Variants in CNTNAP2 observed in about 807,000 individuals in gnomAD.
CNTNAP2 encodes contactin-associated protein-like 2.
A neutral mutation model predicts 155.2 loss-of-function variants in CNTNAP2; 98 were observed. The ratio of observed to expected loss-of-function variants is 0.63; its 90% CI spans 0.54 to 0.75. The LOEUF is 0.75. CNTNAP2 is among the 30% of genes least tolerant of loss of function. The pLI is 0.00. For synonymous variants in CNTNAP2, 651 were observed against 631.2 expected, an observed-to-expected ratio of 1.03 and a Z score of -0.47; for missense variants, 1,727 against 1,688.1, an observed-to-expected ratio of 1.02 and a Z score of -0.40.
intron 15 of CNTNAP2, among the ~76,000 whole-genome samples, chr7:148,040,815 C>G (rs1802659934): frequency 6.6e-6 from 1 of 151,254 alleles, no homozygotes; most frequent in African/African-American, 2.4e-5. Context: ...GGGAACAACT[C>G]TAGGTAGGAA....
chr7:146,629,889 G>A (rs1232517148), intron 1 of CNTNAP2, among the ~76,000 whole-genome samples: 4 of 152,046 alleles, frequency 2.6e-5, no homozygotes, highest in African/African-American at 7.2e-5. Flanking sequence ...AATAAATATT[G>A]TATTGCATTA....
intron 8 of CNTNAP2, among the ~76,000 whole-genome samples, chr7:147,176,347 T>G (rs1178690270): frequency 6.6e-6 from 1 of 152,088 alleles, no homozygotes; most frequent in Non-Finnish European, 1.5e-5. Context: ...TTTCAAACAG[T>G]TTCCCTCTTA....
chr7:148,173,519 T>C (rs1218646989), intron 18 of CNTNAP2, among the ~76,000 whole-genome samples: 4 of 152,228 alleles, frequency 2.6e-5, no homozygotes, highest in Admixed American at 6.5e-5. Context: ...ACATTCTCTG[T>C]ACCTCCAGGC....
chr7:147,998,305 G>C (rs1052126889), intron 15 of CNTNAP2, among the ~76,000 whole-genome samples: 1 of 151,824 alleles, frequency 6.6e-6, no homozygotes, highest in Non-Finnish European at 1.5e-5. Context: ...TAGAGACGGG[G>C]TTTCACCGTG....
chr7:148,194,454 G>A (rs1795244223), intron 18 of CNTNAP2, among the ~76,000 whole-genome samples: 1 of 152,124 alleles, frequency 6.6e-6, no homozygotes, highest in African/African-American at 2.4e-5. Context: ...CTTAAGCTCA[G>A]AAGCGATATT....
chr7:147,237,731 A>G (rs906672259), intron 8 of CNTNAP2, among the ~76,000 whole-genome samples: 8 of 152,222 alleles, frequency 5.3e-5, no homozygotes, highest in Non-Finnish European at 1.0e-4. Context: ...TGGCATTTGT[A>G]CAAGTACACA....
At chr7:147,786,900 T>A (rs1349130057) in intron 13 of CNTNAP2, among the ~76,000 whole-genome samples, 1 of 151,894 alleles carries the variant, frequency 6.6e-6, no homozygotes, top group African/African-American at 2.4e-5. Flanking sequence ...GCCCAGGATT[T>A]CAAGGCTGCA....
At chr7:148,030,968 G>A (rs990240312) in intron 15 of CNTNAP2, among the ~76,000 whole-genome samples, 2 of 152,110 alleles carry the variant, frequency 1.3e-5, no homozygotes, top group African/African-American at 4.8e-5. Context: ...TCTTTGAAAC[G>A]ATTGTAATAT....
chr7:147,137,892 G>GATAT (rs1156383370), intron 8 of CNTNAP2, among the ~76,000 whole-genome samples: 1 of 127,542 alleles, frequency 7.8e-6, no homozygotes, highest in African/African-American at 2.6e-5. Context: ...TAGATAGATA[G>GATAT]ATAGATAGAT....
At chr7:146,709,395 G>A (rs879818799) in intron 1 of CNTNAP2, among the ~76,000 whole-genome samples, 3 of 152,122 alleles carry the variant, frequency 2.0e-5, no homozygotes, top group Non-Finnish European at 4.4e-5. Context: ...AAATGAAAGG[G>A]AAATCATATG....
Position 146,843,404 on chromosome 7 carries a change from CCTA to C in CNTNAP2, c.402+3504_402+3506del, listed in dbSNP as rs1288003385. On this transcript the variant is annotated intron_variant, in intron 3 of 23. Coordinates refer to ENST00000361727, the MANE Select transcript of CNTNAP2 (RefSeq NM_014141.6). ...GAAGTCCACCCCCGTGATCCAATCA[CCTA>C]CTATCAGGCCCCTCTTCCAACACTG... 3.9e-5 allele frequency among the ~76,000 whole-genome samples: 6 copies of C among 152,222 alleles called. No homozygotes were observed. The East Asian group carries it at 9.7e-4, about 25-fold the overall frequency.
intron 1 of CNTNAP2, among the ~76,000 whole-genome samples, chr7:146,299,399 T>G (rs1287082563): frequency 1.3e-5 from 2 of 151,984 alleles, no homozygotes; most frequent in Non-Finnish European, 2.9e-5. Context: ...AAGCCAATGA[T>G]TATTTATTTA....
chr7:146,155,780 A>G (rs773631612), intron 1 of CNTNAP2, among the ~76,000 whole-genome samples: 5 of 151,230 alleles, frequency 3.3e-5, no homozygotes, highest in Non-Finnish European at 7.4e-5. Context: ...GCTCACTACA[A>G]CCTCCTCCTC....
intron 14 of CNTNAP2, among the ~76,000 whole-genome samples, chr7:147,963,741 G>C (rs1427648015): frequency 6.6e-6 from 1 of 152,016 alleles, no homozygotes; most frequent in East Asian, 1.9e-4. Context: ...CAACGATGCT[G>C]TTTCCTTCTC....
At chr7:148,039,055 C>G (rs1252340664) in intron 15 of CNTNAP2, among the ~76,000 whole-genome samples, 1 of 152,166 alleles carries the variant, frequency 6.6e-6, no homozygotes, top group Admixed American at 6.5e-5. Context: ...GGAGAATTGG[C>G]TCATGCAATT....
At chr7:146,118,585 T>G (rs1218244288) in intron 1 of CNTNAP2, among the ~76,000 whole-genome samples, 3 of 152,038 alleles carry the variant, frequency 2.0e-5, no homozygotes, top group Non-Finnish European at 4.4e-5. Flanking sequence ...ATATCCAGGG[T>G]TTTTCCTGGG....
At position 147,300,173 on chromosome 7, in the gene CNTNAP2, G is replaced by T; in HGVS notation, c.1381G>T (p.Val461Phe). The change falls in exon 9 of 24, where the codon GTT (valine) becomes TTT (phenylalanine). Residue 461 changes from valine to phenylalanine, a missense_variant. Transcript: ENST00000361727. ...SGLNDGQWHEVRFLAKENFAI... is the reference protein window; with the variant it reads ...SGLNDGQWHEFRFLAKENFAI... ...GTTGAATGATGGACAGTGGCACGAGGTTCGCTTCCTAGCCAAGGAAAATTT... is the reference window on the plus strand; with the variant it reads ...GTTGAATGATGGACAGTGGCACGAGTTTCGCTTCCTAGCCAAGGAAAATTT... 1 of 1,614,020 alleles carries T rather than the reference G, an allele frequency of 6.2e-7. No individual in the cohort carries two copies. Among genetic ancestry groups the T allele is most frequent in the Non-Finnish European group, 8.5e-7 (1 of 1,179,930 alleles).
chr7:148,364,926 G>A (rs1798708880), intron 21 of CNTNAP2, among the ~76,000 whole-genome samples: 1 of 152,172 alleles, frequency 6.6e-6, no homozygotes, highest in Non-Finnish European at 1.5e-5. Flanking sequence ...TCACCGCGAA[G>A]GTCTGCAGCT....
At chr7:147,818,401 G>A (rs1440142361) in intron 13 of CNTNAP2, among the ~76,000 whole-genome samples, 1 of 152,084 alleles carries the variant, frequency 6.6e-6, no homozygotes, top group Non-Finnish European at 1.5e-5. Context: ...TACTAACAAG[G>A]GAGCAGGAGC....
Sources: allele counts gnomAD v4.1 joint callset (sites outside exome capture counted in the v4.1 genomes callset), GRCh38; gene constraint gnomAD v4.1.1; transcripts MANE v1.5; gene names NCBI Gene and HGNC (gene_info 2026-07-23, HGNC 2026-07-21).